Variants in PRIM1 observed in about 807,000 individuals in gnomAD.
PRIM1 encodes DNA primase subunit 1, also known as DNA primase small subunit.
PRIM1 carries 38 observed loss-of-function variants against 60.2 expected under a neutral mutation model. The ratio of observed to expected loss-of-function variants is 0.63; its 90% confidence interval spans 0.49 to 0.83. The LOEUF is 0.83. Ranked by LOEUF, PRIM1 falls within the 40% of genes least tolerant of loss-of-function variation. The probability of loss-of-function intolerance (pLI) is 0.00; values close to 1 mark genes in which losing one functional copy is unlikely to be tolerated. For missense variants in PRIM1, 388 were observed against 506.2 expected (o/e 0.77, Z 2.24); for synonymous variants, 158 against 160.2 (o/e 0.99, Z 0.10).
intron 5 of PRIM1, among the ~76,000 whole-genome samples, chr12:56,744,358 T>C (rs564866502): frequency 3.0e-3 from 452 of 152,152 alleles, no homozygotes; most frequent in African/African-American, 0.01. Context: ...CTGGGCATGG[T>C]GGCGCATGCC....
At chr12:56,732,284 T>C (rs1468575218) in intron 12 of PRIM1, among the ~76,000 whole-genome samples, 4 of 152,218 alleles carry the variant, frequency 2.6e-5, no homozygotes, top group African/African-American at 9.6e-5. Flanking sequence ...AGTTTCCTAC[T>C]GTACCTGACA....
At chr12:56,732,440 G>A (rs1301666701) in intron 12 of PRIM1, among the ~76,000 whole-genome samples, 1 of 152,124 alleles carries the variant, frequency 6.6e-6, no homozygotes, top group Non-Finnish European at 1.5e-5. Flanking sequence ...TACTGTTCTA[G>A]TGGCAATAGC....
At chr12:56,735,642 A>G (rs531912324) in intron 11 of PRIM1, among the ~76,000 whole-genome samples, 1 of 149,238 alleles carries the variant, frequency 6.7e-6, no homozygotes, top group East Asian at 2.0e-4. Context: ...AAGTTTTTAC[A>G]TTGAGTATTC....
In PRIM1 at chr12:56,739,904, T is replaced by C. The variant is rs184530727; in HGVS notation, c.983-541A>G. Among the ~76,000 whole-genome samples the C allele has an allele frequency of 5.8e-4, 88 of 152,192 alleles. No homozygotes were observed. In the East Asian group the frequency reaches 0.01, roughly 17 times the overall value. ...CTGTAATCCCAGCACTCTGGGAGGC[T>C]GAGGAGGGTGGATCACAAGGTCAGG... On this transcript the variant is annotated intron_variant, in intron 9 of 12. Coordinates refer to ENST00000338193, the MANE Select transcript of PRIM1 (RefSeq NM_000946.3).
chr12:56,741,663 A>G (rs1953873014), intron 8 of PRIM1, 83 bp downstream of exon 8: 17 of 1,581,002 alleles, frequency 1.1e-5, no homozygotes, highest in Non-Finnish European at 1.5e-5. Flanking sequence ...ATCTTCAACC[A>G]TCTTTAACTG....
intron 2 of PRIM1, among the ~76,000 whole-genome samples, chr12:56,747,829 A>T (rs1953919067): frequency 6.6e-6 from 1 of 152,178 alleles, no homozygotes; most frequent in Non-Finnish European, 1.5e-5. Flanking sequence ...GAGATTCATA[A>T]AACTAAATCT....
rs768706079 is a variant in PRIM1 at position 56,741,566 on chromosome 12, T to C, written c.851A>G (p.Lys284Arg). Residue 284 changes from lysine to arginine, a missense_variant, in exon 9 of 13, where the codon AAA becomes AGA. By Grantham distance (26) the Lys-to-Arg change is conservative. Coordinates refer to ENST00000338193, the MANE Select transcript of PRIM1 (RefSeq NM_000946.3). Reference sequence around the variant, plus strand: ...CAGCCAGGGTCCATATTTGTCATTTTTGATGTTATTCTAAAAGCAGATACA... The same window carrying C: ...CAGCCAGGGTCCATATTTGTCATTTCTGATGTTATTCTAAAAGCAGATACA... Reference protein sequence around the residue: ...KVASRYQNNIKNDKYGPWLEW... With the variant: ...KVASRYQNNIRNDKYGPWLEW... 2 of 1,610,826 alleles carry C rather than the reference T, an allele frequency of 1.2e-6. No homozygotes were observed. Among genetic ancestry groups the C allele is most frequent in the South Asian group, 2.2e-5 (2 of 90,040 alleles).
intron 6 of PRIM1, 103 bp downstream of exon 6, chr12:56,743,962 T>A: frequency 1.3e-6 from 1 of 755,568 alleles, no homozygotes; most frequent in South Asian, 1.9e-5. Context: ...CTATTATTAT[T>A]ATAAAATGCT....
chr12:56,742,129 T>C, intron 7 of PRIM1: 1 of 368,198 alleles, frequency 2.7e-6, no homozygotes, highest in South Asian at 2.4e-5. Flanking sequence ...GGTGCACATC[T>C]GTAATCCTAG....
At position 56,746,399 on chromosome 12, in the gene PRIM1, G is replaced by A. The variant is rs541992904; in HGVS notation, c.443-218C>T. On this transcript the variant is annotated intron_variant, in intron 4 of 12. Transcript: ENST00000338193. ...TGTAATCCCAGCACTCTGGGAGGCCGAGGTGGGCAGATCACGAGGTCAGGA... is the reference window on the plus strand; with the variant it reads ...TGTAATCCCAGCACTCTGGGAGGCCAAGGTGGGCAGATCACGAGGTCAGGA... 53 of 674,534 alleles carry A rather than the reference G, an allele frequency of 7.9e-5. No homozygotes were observed. In the East Asian group the frequency reaches 1.1e-3, roughly 15 times the overall value. 41.8% of individuals were successfully genotyped at this position (674,534 alleles called of 1,614,324 possible).
chr12:56,734,667 T>C (rs1477400599), intron 11 of PRIM1, among the ~76,000 whole-genome samples: 1 of 150,950 alleles, frequency 6.6e-6, no homozygotes, highest in Non-Finnish European at 1.5e-5. Context: ...CCTCGGCCTC[T>C]GAAAGTGCTG....
At chr12:56,732,186 A>T (rs1029818131) in intron 12 of PRIM1, among the ~76,000 whole-genome samples, 1 of 152,166 alleles carries the variant, frequency 6.6e-6, no homozygotes, top group Non-Finnish European at 1.5e-5. Context: ...ACATATGCTC[A>T]TATGTCTCCC....
Position 56,744,140 on chromosome 12 carries a change from TAAA to T in PRIM1, c.580-20_580-18del, listed in dbSNP as rs1418149773. On this transcript the variant is annotated intron_variant, in intron 5 of 12. Transcript: ENST00000338193. ...TTGACCACCCTGAAAAATAAATCAT[TAAA>T]AAAGAACTTCAGGTATACAATATAA... is the stretch of plus-strand genomic sequence containing the variant. 2 of 1,519,972 alleles carry T rather than the reference TAAA, an allele frequency of 1.3e-6. No individual in the cohort carries two copies. Among genetic ancestry groups the T allele is most frequent in the Non-Finnish European group, 1.8e-6 (2 of 1,117,724 alleles). 94.2% of individuals were successfully genotyped at this position (1,519,972 alleles called of 1,614,324 possible).
In PRIM1 at chr12:56,746,397, C is replaced by T. The variant is rs771502548; in HGVS notation, c.443-216G>A. The stretch of plus-strand genomic sequence containing the variant: ...CCTGTAATCCCAGCACTCTGGGAGG[C>T]CGAGGTGGGCAGATCACGAGGTCAG... On this transcript the variant is annotated intron_variant, in intron 4 of 12. Coordinates refer to ENST00000338193, the MANE Select transcript of PRIM1 (RefSeq NM_000946.3). 4.4e-6 allele frequency: 3 copies of T among 680,496 alleles called. No homozygotes were observed. In the South Asian group the frequency reaches 4.5e-5, roughly 10 times the overall value. 42.2% of individuals were successfully genotyped at this position (680,496 alleles called of 1,614,324 possible). A position where few individuals can be genotyped will look rare whatever the true frequency, so the allele number is the denominator to read the frequency against.
At position 56,746,285 on chromosome 12, in the gene PRIM1, C is replaced by T. The variant is rs534971545; in HGVS notation, c.443-104G>A. 3 of 1,303,358 alleles carry T rather than the reference C, an allele frequency of 2.3e-6. No homozygotes were observed. In the Admixed American group the frequency reaches 5.8e-5, roughly 25 times the overall value. 80.7% of individuals were successfully genotyped at this position (1,303,358 alleles called of 1,614,324 possible). On this transcript the variant is annotated intron_variant, in intron 4 of 12. Coordinates refer to ENST00000338193, the MANE Select transcript of PRIM1 (RefSeq NM_000946.3). ...TCCTGTGCTCCCCATGTTCTTGCTT[C>T]ATCTCTTTACCCATCCTGGTCTCTC...
chr12:56,742,964 G>A, intron 7 of PRIM1, 23 bp downstream of exon 7: 1 of 1,485,406 alleles, frequency 6.7e-7, no homozygotes, highest in Non-Finnish European at 9.0e-7. Context: ...AGCTCACACA[G>A]AAATGATCAC....
In PRIM1 at chr12:56,733,595, C is replaced by CT. The variant is rs879265416; in HGVS notation, c.1243+551dup. Reference sequence around the variant, plus strand: ...TTTTTTTTGTATTAAGTTAGTACTTCTTTTTTTTTTTTGAGATGGAGTCTT... The same window carrying CT: ...TTTTTTTTGTATTAAGTTAGTACTTCTTTTTTTTTTTTTGAGATGGAGTCTT... On this transcript the variant is annotated intron_variant, in intron 12 of 12. Transcript: ENST00000338193. Among the ~76,000 whole-genome samples the CT allele has an allele frequency of 5.0e-3, 667 of 134,540 alleles. 1 individual carries two copies. The highest frequency in any genetic ancestry group is 7.0e-3 in the South Asian group (29 of 4,162). 88.3% of individuals were successfully genotyped at this position (134,540 alleles called of 152,430 possible). A position where few individuals can be genotyped will look rare whatever the true frequency, so the allele number is the denominator to read the frequency against.
At chr12:56,732,414 C>T (rs1347032814) in intron 12 of PRIM1, among the ~76,000 whole-genome samples, 3 of 152,170 alleles carry the variant, frequency 2.0e-5, no homozygotes, top group East Asian at 1.9e-4. Flanking sequence ...TTGCACCTTT[C>T]GGAGATCTCC....
chr12:56,748,262 C>T (rs1470076883), intron 2 of PRIM1, among the ~76,000 whole-genome samples: 1 of 152,114 alleles, frequency 6.6e-6, no homozygotes, highest in East Asian at 1.9e-4. Context: ...TGTTAAGACC[C>T]AGCCCTTTCC....
Sources: allele counts gnomAD v4.1 joint callset (sites outside exome capture counted in the v4.1 genomes callset), GRCh38; gene constraint gnomAD v4.1.1; transcripts MANE v1.5; gene names NCBI Gene and HGNC (gene_info 2026-07-23, HGNC 2026-07-21).